The following TTC29 variants were observed in gnomAD, a reference collection of about 807,000 sequenced individuals.
The protein encoded by TTC29 is tetratricopeptide repeat protein 29.
Under a neutral mutation model 58.1 loss-of-function variants are expected in TTC29, and 49 were observed. The ratio of observed to expected loss-of-function variants is 0.84; its 90% CI spans 0.67 to 1.07. The LOEUF (loss-of-function observed/expected upper bound fraction) is 1.07. Ranked by LOEUF, TTC29 falls within the 50% of genes least tolerant of loss-of-function variation. The pLI, the probability that TTC29 is intolerant of heterozygous loss-of-function variation, is 0.00. For missense variants in TTC29, 582 were observed against 555.6 expected, an observed-to-expected ratio of 1.05 and a Z score of -0.48; for synonymous variants, 209 against 196.8, an observed-to-expected ratio of 1.06 and a Z score of -0.52.
At chr4:146,764,497 C>T (rs1422210440) in intron 11 of TTC29, among the ~76,000 whole-genome samples, 3 of 151,710 alleles carry the variant, frequency 2.0e-5, no homozygotes, top group Non-Finnish European at 2.9e-5. Flanking sequence ...ACATTCAGTT[C>T]CCTGGTTAAT....
At chr4:146,792,340 A>T (rs1195317563) in intron 11 of TTC29, among the ~76,000 whole-genome samples, 3 of 152,224 alleles carry the variant, frequency 2.0e-5, no homozygotes, top group Non-Finnish European at 2.9e-5. Context: ...TAAATCTACC[A>T]CACCTGTGCT....
chr4:146,868,109 A>T (rs1308243611), intron 7 of TTC29, among the ~76,000 whole-genome samples: 2 of 152,146 alleles, frequency 1.3e-5, no homozygotes, highest in Admixed American at 6.5e-5. Context: ...ATGAATTTTT[A>T]TTTTGATTAT....
chr4:146,741,816 T>A lies in TTC29; in HGVS notation c.1331-34265A>T, dbSNP rs113176905. Among the ~76,000 whole-genome samples the A allele has an allele frequency of 3.2e-3, 492 of 152,294 alleles. 5 individuals are homozygous for A. Among genetic ancestry groups the A allele is most frequent in the African/African-American group, 0.011 (475 of 41,564 alleles). On this transcript the variant is annotated intron_variant, in intron 11 of 12. Coordinates refer to ENST00000325106, the MANE Select transcript of TTC29 (RefSeq NM_031956.4). ...TGGGTGAATTCCTACTCTACTCCCG[T>A]CACAACTTGAAAGCATTTCCATGGG... is the stretch of plus-strand genomic sequence containing the variant.
intron 11 of TTC29, among the ~76,000 whole-genome samples, chr4:146,782,082 T>G (rs2150088871): frequency 6.6e-6 from 1 of 152,010 alleles, no homozygotes; most frequent in East Asian, 1.9e-4. Context: ...TGGCATTTTT[T>G]GAGTCTAGAG....
chr4:146,707,504 G>C lies in TTC29; in HGVS notation c.1378C>G (p.Arg460Gly). Residue 460 changes from arginine to glycine, a missense_variant, in exon 12 of 13, where the codon CGT becomes GGT. Arg to Gly is a moderately radical substitution (Grantham distance 125). Coordinates refer to ENST00000325106, the MANE Select transcript of TTC29 (RefSeq NM_031956.4). ...TCATACCTACTGAGTTCTTCCAAAC[G>C]TTCTGAGTTTTGAGATACAGCTTCC... ...TVEAVSQNSE[R>G]LEELSRFPGD... 1.2e-6 allele frequency: 2 copies of C among 1,609,946 alleles called. No individual in the cohort carries two copies. The highest frequency in any genetic ancestry group is 1.7e-6 in the Non-Finnish European group (2 of 1,178,478).
At chr4:146,784,386 C>G (rs1748851599) in intron 11 of TTC29, among the ~76,000 whole-genome samples, 1 of 151,980 alleles carries the variant, frequency 6.6e-6, no homozygotes, top group African/African-American at 2.4e-5. Context: ...CAAATTCTGA[C>G]CCTGTCACCT....
intron 6 of TTC29, among the ~76,000 whole-genome samples, chr4:146,883,980 C>T (rs1731808727): frequency 6.6e-6 from 1 of 152,040 alleles, no homozygotes; most frequent in Non-Finnish European, 1.5e-5. Context: ...AACCCAATTA[C>T]ATTTTTATTC....
chr4:146,715,649 A>G (rs1009276964), intron 11 of TTC29, among the ~76,000 whole-genome samples: 2 of 152,140 alleles, frequency 1.3e-5, no homozygotes, highest in African/African-American at 2.4e-5. Context: ...ATGTTGGTTA[A>G]TGGATACAAA....
intron 9 of TTC29, among the ~76,000 whole-genome samples, chr4:146,826,074 CTG>C: frequency 6.6e-6 from 1 of 152,172 alleles, no homozygotes; most frequent in Middle Eastern, 3.4e-3. Context: ...ATTTGCCAGT[CTG>C]TGTCTTTTAA....
chr4:146,819,079 C>T (rs1404305826), intron 10 of TTC29, among the ~76,000 whole-genome samples: 1 of 151,222 alleles, frequency 6.6e-6, no homozygotes, highest in Admixed American at 6.6e-5. Context: ...ACATTGTGCA[C>T]ATGTACCCTA....
chr4:146,819,580 G>C (rs1751677134), intron 10 of TTC29, among the ~76,000 whole-genome samples: 1 of 152,022 alleles, frequency 6.6e-6, no homozygotes, highest in Non-Finnish European at 1.5e-5. Context: ...TTCTTGAATT[G>C]GATAATTTTA....
chr4:146,908,298 G>T (rs1470364127), intron 5 of TTC29, among the ~76,000 whole-genome samples: 1 of 152,120 alleles, frequency 6.6e-6, no homozygotes, highest in Non-Finnish European at 1.5e-5. Context: ...CCAAATTCTA[G>T]AATTTCATTT....
At chr4:146,847,611 G>T (rs1445267585) in intron 8 of TTC29, among the ~76,000 whole-genome samples, 1 of 152,274 alleles carries the variant, frequency 6.6e-6, no homozygotes, top group Non-Finnish European at 1.5e-5. Context: ...AGCGAGCCAT[G>T]TGCAGAAGGG....
chr4:146,723,920 C>T (rs1579526255), intron 11 of TTC29, among the ~76,000 whole-genome samples: 1 of 152,286 alleles, frequency 6.6e-6, no homozygotes, highest in East Asian at 1.9e-4. Context: ...AAAAGACATG[C>T]TCTCACATGT....
Position 146,775,081 on chromosome 4 carries a change from G to A in TTC29, c.1330+28376C>T, listed in dbSNP as rs1232390987. ...TTAGAATAGCAATCCCTACTTTTTT[G>A]TTTTCCATTGCTCAGTAGCTTTTCT... On this transcript the variant is annotated intron_variant, in intron 11 of 12. Transcript: ENST00000325106. Among the ~76,000 whole-genome samples, 3 of 151,830 alleles carry A rather than the reference G, an allele frequency of 2.0e-5. No homozygotes were observed. The East Asian group carries it at 5.8e-4, about 29-fold the overall frequency.
chr4:146,823,106 A>AG (rs1453853129), intron 9 of TTC29, among the ~76,000 whole-genome samples: 1 of 152,200 alleles, frequency 6.6e-6, no homozygotes, highest in East Asian at 1.9e-4. Flanking sequence ...TCTTTAGTTT[A>AG]ATTAGATCCC....
intron 4 of TTC29, among the ~76,000 whole-genome samples, chr4:146,915,135 C>T (rs143723083): frequency 2.6e-5 from 4 of 152,104 alleles, no homozygotes; most frequent in Non-Finnish European, 5.9e-5. Context: ...CAAAGCCATA[C>T]AAGTTATTAA....
At chr4:146,783,778 C>T (rs1748797592) in intron 11 of TTC29, among the ~76,000 whole-genome samples, 1 of 151,820 alleles carries the variant, frequency 6.6e-6, no homozygotes, top group South Asian at 2.1e-4. Context: ...AGAAATTTGT[C>T]TTCTATATTT....
At chr4:146,730,011 T>A (rs1231864254) in intron 11 of TTC29, among the ~76,000 whole-genome samples, 5 of 152,062 alleles carry the variant, frequency 3.3e-5, no homozygotes, top group African/African-American at 9.7e-5. Context: ...AAGCAGAAGC[T>A]AGAATAGTAT....
Sources: gnomAD v4.1 joint callset for allele counts (sites outside exome capture counted in the v4.1 genomes callset) on GRCh38, gnomAD v4.1.1 for gene constraint, MANE v1.5 for transcripts, NCBI Gene and HGNC (gene_info 2026-07-23, HGNC 2026-07-21) for gene names.